DNAJC10: variants seen among roughly 807,000 people sequenced by gnomAD.
DNAJC10 encodes the protein DnaJ heat shock protein family (Hsp40) member C10.
Under a neutral mutation model 115.0 loss-of-function variants are expected in DNAJC10, and 101 were observed. The observed-to-expected ratio is 0.88, with a 90% CI of 0.75 to 1.04. The LOEUF (loss-of-function observed/expected upper bound fraction) is 1.04, where lower values mean the gene tolerates loss of function less well. DNAJC10 is among the 50% of genes least tolerant of loss of function. The pLI is 0.00. For missense variants in DNAJC10, 981 were observed against 928.8 expected, an observed-to-expected ratio of 1.06 and a Z score of -0.73; for synonymous variants, 307 against 301.5, an observed-to-expected ratio of 1.02 and a Z score of -0.19.
intron 22 of DNAJC10, among the ~76,000 whole-genome samples, chr2:182,767,694 A>G (rs1395758464): frequency 6.6e-6 from 1 of 152,130 alleles, no homozygotes; most frequent in Non-Finnish European, 1.5e-5. Context: ...AGCTCTTCTA[A>G]GAGAGTCCAC....
At chr2:182,776,296 C>T (rs553484910) in intron 23 of DNAJC10, among the ~76,000 whole-genome samples, 40 of 152,076 alleles carry the variant, frequency 2.6e-4, no homozygotes, top group Non-Finnish European at 5.4e-4. Flanking sequence ...GTATTGAAAC[C>T]CATATTTGTG....
At chr2:182,754,546 A>G (rs1339540570) in intron 16 of DNAJC10, among the ~76,000 whole-genome samples, 1 of 152,204 alleles carries the variant, frequency 6.6e-6, no homozygotes, top group African/African-American at 2.4e-5. Flanking sequence ...AACCTAAAAT[A>G]TAATCATGTA....
intron 21 of DNAJC10, among the ~76,000 whole-genome samples, chr2:182,759,774 G>A (rs140271787): frequency 1.1e-4 from 17 of 151,994 alleles, no homozygotes; most frequent in Non-Finnish European, 2.2e-4. Flanking sequence ...ATATACTCAG[G>A]GGATTGGTTC....
chr2:182,769,378 C>T (rs975377561), intron 22 of DNAJC10, among the ~76,000 whole-genome samples: 3 of 152,142 alleles, frequency 2.0e-5, no homozygotes, highest in African/African-American at 4.8e-5. Flanking sequence ...AATTCTAATT[C>T]TAGATCCTTG....
At chr2:182,767,984 C>T (rs529229758) in intron 22 of DNAJC10, among the ~76,000 whole-genome samples, 13 of 152,180 alleles carry the variant, frequency 8.5e-5, no homozygotes, top group African/African-American at 3.1e-4. Flanking sequence ...CATGTACATA[C>T]GTATGAATAT....
intron 14 of DNAJC10, among the ~76,000 whole-genome samples, chr2:182,748,280 G>A (rs946030705): frequency 2.6e-5 from 4 of 152,002 alleles, no homozygotes; most frequent in African/African-American, 9.7e-5. Context: ...TTTTTCTATT[G>A]ATTGGAATAG....
intron 2 of DNAJC10, among the ~76,000 whole-genome samples, chr2:182,717,363 C>G (rs560950859): frequency 1.3e-5 from 2 of 152,270 alleles, no homozygotes; most frequent in South Asian, 4.1e-4. Context: ...AAAATGGCCT[C>G]TACTTAAATT....
intron 10 of DNAJC10, among the ~76,000 whole-genome samples, chr2:182,733,642 C>G (rs188203575): frequency 6.7e-6 from 1 of 149,086 alleles, no homozygotes; most frequent in East Asian, 2.0e-4. Context: ...CTCTTTTTCT[C>G]TTCTTTGGAA....
chr2:182,765,110 T>A (rs1366553576), intron 22 of DNAJC10, among the ~76,000 whole-genome samples: 24 of 152,104 alleles, frequency 1.6e-4, no homozygotes, highest in Admixed American at 1.6e-3. Context: ...GAGACCTCAG[T>A]AAGATTAGTG....
At chr2:182,720,463 T>G (rs1225434760) in intron 4 of DNAJC10, among the ~76,000 whole-genome samples, 2 of 152,204 alleles carry the variant, frequency 1.3e-5, no homozygotes, top group East Asian at 3.8e-4. Flanking sequence ...CAATGGATTG[T>G]ATGTAGGACA....
intron 11 of DNAJC10, among the ~76,000 whole-genome samples, chr2:182,739,022 A>G (rs1034524422): frequency 5.9e-5 from 9 of 152,020 alleles, no homozygotes; most frequent in African/African-American, 2.2e-4. Flanking sequence ...AGGCTGTGTA[A>G]TAGGCATTTT....
At chr2:182,776,499 G>A (rs1459518711) in intron 23 of DNAJC10, among the ~76,000 whole-genome samples, 2 of 152,112 alleles carry the variant, frequency 1.3e-5, no homozygotes, top group South Asian at 2.1e-4. Flanking sequence ...GAGGTATCTC[G>A]GATTCTTTCC....
At position 182,736,406 on chromosome 2, in the gene DNAJC10, A is replaced by T. The variant is rs753388580; in HGVS notation, c.987+20A>T. ...ATTTTGGTATGAATCACTTTAAACT[A>T]ATTTATTTACATATAATGTGCAAAC... On this transcript the variant is annotated intron_variant, in intron 11 of 23. Coordinates refer to ENST00000264065, the MANE Select transcript of DNAJC10 (RefSeq NM_018981.4). The T allele has an allele frequency of 3.3e-6, 5 of 1,515,132 alleles. No individual in the cohort carries two copies. The highest frequency in any genetic ancestry group is 4.4e-6 in the Non-Finnish European group (5 of 1,131,636). The allele number at this position is 1,515,132 out of a possible 1,614,324, so 93.9% of individuals were successfully genotyped here. A position where few individuals can be genotyped will look rare whatever the true frequency, so the allele number is the denominator to read the frequency against.
At chr2:182,766,453 A>C (rs1283327273) in intron 22 of DNAJC10, among the ~76,000 whole-genome samples, 1 of 152,164 alleles carries the variant, frequency 6.6e-6, no homozygotes, top group Admixed American at 6.6e-5. Flanking sequence ...AATGAGTAAT[A>C]CTATACACCA....
In DNAJC10 at chr2:182,762,684, G is replaced by A. The variant is rs1384067813; in HGVS notation, c.2148G>A (p.Met716Ile). Reference protein sequence around the residue: ...FAPEFELLARMIKGKVKAGKV... With the variant: ...FAPEFELLARIIKGKVKAGKV... ...CAAACTGTATTTTTCTTTTTCAGAT[G>A]ATTAAAGGAAAAGTGAAAGCTGGAA... Residue 716 changes from methionine (M) to isoleucine (I), a missense_variant and splice_region_variant, in exon 22 of 24, where the codon ATG becomes ATA. Met to Ile is a conservative substitution (Grantham distance 10). Transcript: ENST00000264065. 3.7e-6 allele frequency: 6 copies of A among 1,611,634 alleles called. No homozygotes were observed. Among genetic ancestry groups the A allele is most frequent in the Non-Finnish European group, 2.5e-6 (3 of 1,178,496 alleles).
rs919839832 is a variant in DNAJC10 at position 182,781,960 on chromosome 2, C to G, written c.*4828C>G. ...ATGCAGAAGCTCTTTAATTAGATCC[C>G]ATTTATCTGTTTTGGCTTTTATTGC... On this transcript the variant is annotated 3_prime_UTR_variant, in exon 24 of 24. Coordinates refer to ENST00000264065, the MANE Select transcript of DNAJC10 (RefSeq NM_018981.4). The G allele has an allele frequency of 6.6e-6, 1 of 152,094 alleles. No homozygotes were observed. The highest frequency in any genetic ancestry group is 1.5e-5 in the Non-Finnish European group (1 of 68,022). 9.4% of individuals were successfully genotyped at this position (152,094 alleles called of 1,614,324 possible).
Position 182,731,891 on chromosome 2 carries a change from T to C in DNAJC10, c.806-608T>C, listed in dbSNP as rs369744650. 2.6e-5 allele frequency among the ~76,000 whole-genome samples: 4 copies of C among 152,294 alleles called. No homozygotes were observed. The South Asian group carries it at 8.3e-4, about 32-fold the overall frequency. On this transcript the variant is annotated intron_variant, in intron 9 of 23. Coordinates refer to ENST00000264065, the MANE Select transcript of DNAJC10 (RefSeq NM_018981.4). ...AGGGATTTTGTCTCATTTTGGCCTA[T>C]TGCCCAAATTTCTGTTCATCCACAC...
chr2:182,763,269 A>G (rs762962926), intron 22 of DNAJC10, among the ~76,000 whole-genome samples: 10 of 152,164 alleles, frequency 6.6e-5, no homozygotes, highest in Non-Finnish European at 1.5e-4. Context: ...GGAGGAAAGA[A>G]CAATGATAAA....
Position 182,743,725 on chromosome 2 carries a change from A to G in DNAJC10, c.1306+13A>G, listed in dbSNP as rs755180420. ...GAAATTCATCATGGTAAGAATGGAA[A>G]AAAATGATAAAAAAAAACTTAGCTT... On this transcript the variant is annotated intron_variant, in intron 14 of 23. Transcript: ENST00000264065. 5.3e-6 allele frequency: 8 copies of G among 1,520,460 alleles called. No homozygotes were observed. Among genetic ancestry groups the G allele is most frequent in the South Asian group, 1.2e-5 (1 of 83,882 alleles). 94.2% of individuals were successfully genotyped at this position (1,520,460 alleles called of 1,614,324 possible). A position where few individuals can be genotyped will look rare whatever the true frequency, so the allele number is the denominator to read the frequency against.
Sources: allele counts gnomAD v4.1 joint callset (sites outside exome capture counted in the v4.1 genomes callset), GRCh38; gene constraint gnomAD v4.1.1; transcripts MANE v1.5; gene names NCBI Gene and HGNC (gene_info 2026-07-23, HGNC 2026-07-21).